The following CACNA1C variants were observed in gnomAD, a reference collection of about 807,000 sequenced individuals.
CACNA1C encodes calcium voltage-gated channel subunit alpha1 C.
In CACNA1C, 30 loss-of-function variants were observed where a neutral mutation model predicts 229.0. That is an observed-to-expected ratio of 0.13 (90% CI 0.10 to 0.18). The LOEUF (loss-of-function observed/expected upper bound fraction) is 0.18, where lower values mean the gene tolerates loss of function less well. Ranked by LOEUF, CACNA1C falls within the 10% of genes least tolerant of loss-of-function variation. The pLI is 1.00. For synonymous variants in CACNA1C, 1,114 were observed against 1,132.5 expected (o/e 0.98, Z 0.33); for missense variants, 1,658 against 2,845.0 (o/e 0.58, Z 9.49).
chr12:2,566,285 C>G lies in CACNA1C; in HGVS notation c.1509-137C>G. 1 of 732,736 alleles carries G rather than the reference C, an allele frequency of 1.4e-6. No individual in the cohort carries two copies. Among genetic ancestry groups the G allele is most frequent in the Non-Finnish European group, 2.2e-6 (1 of 464,214 alleles). The allele number at this position is 732,736 out of a possible 1,614,324, so 45.4% of individuals were successfully genotyped here. A position where few individuals can be genotyped will look rare whatever the true frequency, so the allele number is the denominator to read the frequency against. ...CTGGTTAGCTGGATGAGAAGCTGGG[C>G]TCCTTGCCACCAGATTGGGCTGCTC... On this transcript the variant is annotated intron_variant, in intron 11 of 46. Transcript: ENST00000399655. This position sits in a 1 kb window ranked among gnomAD's most constrained non-coding sequence, Gnocchi z 4.0.
At chr12:2,175,311 C>T (rs2096614907) in intron 3 of CACNA1C, among the ~76,000 whole-genome samples, 1 of 152,160 alleles carries the variant, frequency 6.6e-6, no homozygotes, top group African/African-American at 2.4e-5. Flanking sequence ...CTCTTTTTAT[C>T]TATGATTGTT....
Position 2,633,675 on chromosome 12 carries a change from T to C in CACNA1C, c.3829-622T>C, listed in dbSNP as rs1389584726. ...AATGTTTTTGACTTCCTCATCGTAA[T>C]TGGCAGCATAATTGACGTCATTCTC... On this transcript the variant is annotated intron_variant, in intron 29 of 46. Coordinates refer to ENST00000399655, the MANE Select transcript of CACNA1C (RefSeq NM_000719.7). The surrounding 1 kb of genome is among the most constrained non-coding windows in gnomAD (Gnocchi z 5.8). 4 of 1,611,648 alleles carry C rather than the reference T, an allele frequency of 2.5e-6. No individual in the cohort carries two copies. Among genetic ancestry groups the C allele is most frequent in the Admixed American group, 1.7e-5 (1 of 60,018 alleles).
intron 1 of CACNA1C, among the ~76,000 whole-genome samples, chr12:1,996,236 T>C (rs938606665): frequency 4.6e-5 from 7 of 152,168 alleles, no homozygotes; most frequent in Admixed American, 1.3e-4. Flanking sequence ...TTTTCTCTAT[T>C]ACTCTCCTGT....
chr12:2,583,262 G>A (rs924162011), intron 15 of CACNA1C, among the ~76,000 whole-genome samples: 1 of 152,238 alleles, frequency 6.6e-6, no homozygotes, highest in Non-Finnish European at 1.5e-5. Context: ...GCGCGGGAGC[G>A]GGCCGGCTGC....
chr12:2,206,852 G>A (rs552190697), intron 3 of CACNA1C, among the ~76,000 whole-genome samples: 2 of 152,292 alleles, frequency 1.3e-5, no homozygotes, highest in East Asian at 1.9e-4. Flanking sequence ...GTTCCTGGGA[G>A]AATACATTTT....
At chr12:2,541,374 A>G (rs1313582633) in intron 9 of CACNA1C, among the ~76,000 whole-genome samples, 1 of 152,194 alleles carries the variant, frequency 6.6e-6, no homozygotes, top group African/African-American at 2.4e-5. Context: ...AATAAATACA[A>G]ATTATGCCGC....
rs149071036 is a variant in CACNA1C at position 2,437,371 on chromosome 12, G to A, written c.478-11605G>A. ...CTGACAATTGTGCCAGGTAAAGGGGGTTCTGAGGTGGCTGGGAGGTGAGCT... is the reference window on the plus strand; with the variant it reads ...CTGACAATTGTGCCAGGTAAAGGGGATTCTGAGGTGGCTGGGAGGTGAGCT... On this transcript the variant is annotated intron_variant, in intron 3 of 46. Coordinates refer to ENST00000399655, the MANE Select transcript of CACNA1C (RefSeq NM_000719.7). 2.3e-3 allele frequency among the ~76,000 whole-genome samples: 350 copies of A among 152,312 alleles called. 10 individuals are homozygous for A. Among genetic ancestry groups the A allele is most frequent in the East Asian group, 0.014 (72 of 5,186 alleles).
chr12:1,975,920 G>A (rs1266170952), intron 1 of CACNA1C, among the ~76,000 whole-genome samples: 1 of 152,126 alleles, frequency 6.6e-6, no homozygotes, highest in African/African-American at 2.4e-5. Flanking sequence ...GATGGTCAGG[G>A]TGAAGAGAAG....
intron 3 of CACNA1C, among the ~76,000 whole-genome samples, chr12:2,396,967 C>T (rs1355654284): frequency 6.6e-6 from 1 of 152,240 alleles, no homozygotes; most frequent in Non-Finnish European, 1.5e-5. Flanking sequence ...ATCTGTCTCT[C>T]AAACTGTTTA....
At chr12:2,298,764 C>T (rs113354912) in intron 3 of CACNA1C, among the ~76,000 whole-genome samples, 21 of 152,332 alleles carry the variant, frequency 1.4e-4, no homozygotes, top group African/African-American at 4.1e-4. Context: ...GCTGCTAGTG[C>T]TTTTTGTGGC....
At chr12:2,645,931 C>T (rs2094308255) in intron 30 of CACNA1C, among the ~76,000 whole-genome samples, 1 of 152,168 alleles carries the variant, frequency 6.6e-6, no homozygotes, top group African/African-American at 2.4e-5. Context: ...GGAGAGTTGT[C>T]ATTACCGGGG....
intron 3 of CACNA1C, among the ~76,000 whole-genome samples, chr12:2,268,297 C>T (rs777169649): frequency 2.6e-5 from 4 of 152,042 alleles, no homozygotes; most frequent in African/African-American, 2.4e-5. Flanking sequence ...GCCAACTCAC[C>T]GGCAGGATCC....
chr12:2,474,309 C>T (rs1487980370), intron 5 of CACNA1C, among the ~76,000 whole-genome samples: 1 of 152,182 alleles, frequency 6.6e-6, no homozygotes, highest in Non-Finnish European at 1.5e-5. Flanking sequence ...CTCCAAGAGG[C>T]TCTGTCAAGG....
Position 2,472,728 on chromosome 12 carries a change from A to G in CACNA1C, c.758-13376A>G, listed in dbSNP as rs562449727. On this transcript the variant is annotated intron_variant, in intron 5 of 46. Transcript: ENST00000399655. Reference sequence around the variant, plus strand: ...GACTGCTTTTTTCCTTGACTATCACATTTTATATTTCTTTATATGTCTAGT... The same window carrying G: ...GACTGCTTTTTTCCTTGACTATCACGTTTTATATTTCTTTATATGTCTAGT... 1.4e-3 allele frequency among the ~76,000 whole-genome samples: 219 copies of G among 152,192 alleles called. 1 individual carries two copies. The highest frequency in any genetic ancestry group is 6.1e-3 in the Admixed American group (93 of 15,284).
At chr12:2,407,645 CCG>C (rs2098753323) in intron 3 of CACNA1C, among the ~76,000 whole-genome samples, 4 of 67,582 alleles carry the variant, frequency 5.9e-5, no homozygotes, top group African/African-American at 2.0e-4. Context: ...TTGATAATAG[CCG>C]TCCTGATAAG....
intron 28 of CACNA1C, among the ~76,000 whole-genome samples, chr12:2,611,261 A>T (rs2077583316): frequency 2.9e-5 from 3 of 103,310 alleles, no homozygotes; most frequent in African/African-American, 7.7e-5. Flanking sequence ...GAAGGGAGGG[A>T]TGAGCTGGAT....
At chr12:1,978,083 G>C (rs2034982647) in intron 1 of CACNA1C, among the ~76,000 whole-genome samples, 2 of 152,138 alleles carry the variant, frequency 1.3e-5, no homozygotes, top group South Asian at 4.1e-4. Context: ...CTTCCACTCA[G>C]GAAAAATATT....
Position 2,467,689 on chromosome 12 carries a change from G to T in CACNA1C, c.757+9983G>T, listed in dbSNP as rs61909378. Among the ~76,000 whole-genome samples, 11,122 of 152,058 alleles carry T rather than the reference G, an allele frequency of 0.073. 582 individuals are homozygous for T. Among genetic ancestry groups the T allele is most frequent in the Non-Finnish European group, 0.1 (6,884 of 67,912 alleles). ...ACGCCCAGCCCCGCCCTGCCCCTTAGCACCTGCCAGGCCCACCCTCTCCCC... is the reference window on the plus strand; with the variant it reads ...ACGCCCAGCCCCGCCCTGCCCCTTATCACCTGCCAGGCCCACCCTCTCCCC... On this transcript the variant is annotated intron_variant, in intron 5 of 46. Coordinates refer to ENST00000399655, the MANE Select transcript of CACNA1C (RefSeq NM_000719.7). This position sits in a 1 kb window ranked among gnomAD's most constrained non-coding sequence, Gnocchi z 4.6.
At chr12:2,244,321 A>G (rs1055477482) in intron 3 of CACNA1C, among the ~76,000 whole-genome samples, 7 of 152,092 alleles carry the variant, frequency 4.6e-5, no homozygotes, top group African/African-American at 1.7e-4. Flanking sequence ...TGCGGTGTTG[A>G]CTCATGGCTG....
Sources: allele counts gnomAD v4.1 joint callset (sites outside exome capture counted in the v4.1 genomes callset), GRCh38; gene constraint gnomAD v4.1.1; non-coding constraint Gnocchi (gnomAD v3.1); transcripts MANE v1.5; gene names NCBI Gene and HGNC (gene_info 2026-07-23, HGNC 2026-07-21).